ALKBH6: variants seen among roughly 807,000 people sequenced by gnomAD.
ALKBH6 encodes the protein probable RNA/DNA demethylase ALKBH6.
ALKBH6 carries 20 observed loss-of-function variants against 25.1 expected under a neutral mutation model. That is an observed-to-expected ratio of 0.80 (90% CI 0.56 to 1.16). The LOEUF (loss-of-function observed/expected upper bound fraction) is 1.16. ALKBH6 is among the 50% of genes most tolerant of loss of function. The probability of loss-of-function intolerance (pLI) is 0.00; values close to 1 mark genes in which losing one functional copy is unlikely to be tolerated. For synonymous variants in ALKBH6, 156 were observed against 147.5 expected, an observed-to-expected ratio of 1.06 and a Z score of -0.42; for missense variants, 263 against 326.5, an observed-to-expected ratio of 0.81 and a Z score of 1.50.
Position 36,011,414 on chromosome 19 carries a change from T to C in ALKBH6, c.174A>G (p.Leu58=), listed in dbSNP as rs1968609150. Residue 58 remains leucine (L), a synonymous_variant, in exon 4 of 7, where the codon TTA becomes TTG. Coordinates refer to ENST00000378875, the MANE Select transcript of ALKBH6 (RefSeq NM_032878.5). ...PKWTQLSGRK[L]QNWGGLPHPR... ...GCCAGGGATACTTACCCCAGTTCTGTAACTTTCTCCCAGAGAGCTGGGTCC... is the reference window on the plus strand; with the variant it reads ...GCCAGGGATACTTACCCCAGTTCTGCAACTTTCTCCCAGAGAGCTGGGTCC... 1 of 1,613,204 alleles carries C rather than the reference T, an allele frequency of 6.2e-7. No homozygotes were observed. The highest frequency in any genetic ancestry group is 1.7e-5 in the Admixed American group (1 of 60,000).
Position 36,013,483 on chromosome 19 carries a change from G to C in ALKBH6, c.-25-61C>G. On this transcript the variant is annotated intron_variant, in intron 1 of 6. Coordinates refer to ENST00000378875, the MANE Select transcript of ALKBH6 (RefSeq NM_032878.5). The surrounding 1 kb of genome is among the most constrained non-coding windows in gnomAD (Gnocchi z 4.6). The stretch of plus-strand genomic sequence containing the variant: ...CCTCCCGCCCTAACACCATGATGCA[G>C]CATTCCACCCCATCACAGGCCAGGC... 6.2e-7 allele frequency: 1 copy of C among 1,603,292 alleles called. No homozygotes were observed. The highest frequency in any genetic ancestry group is 1.1e-5 in the South Asian group (1 of 89,880).
At chr19:36,011,529 C>A in intron 3 of ALKBH6, 65 bp from the exon 4 acceptor site, 1 of 1,560,746 alleles carries the variant, frequency 6.4e-7, no homozygotes, top group South Asian at 1.1e-5. Flanking sequence ...CCCACCTAGA[C>A]CAACATAGGG....
In ALKBH6 at chr19:36,013,420, A is replaced by G. The variant is rs773308264; in HGVS notation, c.-23T>C. On this transcript the variant is annotated splice_region_variant and 5_prime_UTR_variant, in exon 2 of 7. Coordinates refer to ENST00000378875, the MANE Select transcript of ALKBH6 (RefSeq NM_032878.5). The surrounding 1 kb of genome is among the most constrained non-coding windows in gnomAD (Gnocchi z 4.6). ...CATCAACACCAACTCCTTGCACCCA[A>G]TCCTGTAGGGAGGGGAGGACATACT... 1.2e-6 allele frequency: 2 copies of G among 1,613,666 alleles called. No individual in the cohort carries two copies. Among genetic ancestry groups the G allele is most frequent in the Non-Finnish European group, 1.7e-6 (2 of 1,179,830 alleles).
chr19:36,009,474 G>T lies in ALKBH6; in HGVS notation c.533C>A (p.Thr178Lys), dbSNP rs1473575589. The change falls in exon 7 of 7, where the codon ACG (threonine) becomes AAG (lysine). Residue 178 changes from threonine (T) to lysine (K), a missense_variant. By Grantham distance (78) the Thr-to-Lys change is moderately conservative. Around this residue, in one of 3 missense-constraint regions of ALKBH6, gnomAD observed 148 missense variants for 157.5 expected, o/e 0.94. Transcript: ENST00000378875. ...GGCGGCGATGCCGTGGAGAAGACGCGTGTAGGCGGGGCCGCGGAGCACCAG... is the reference window on the plus strand; with the variant it reads ...GGCGGCGATGCCGTGGAGAAGACGCTTGTAGGCGGGGCCGCGGAGCACCAG... Reference protein sequence around the residue: ...SLLVLRGPAYTRLLHGIAAAR... With the variant: ...SLLVLRGPAYKRLLHGIAAAR... 8.0e-6 allele frequency: 10 copies of T among 1,249,050 alleles called. No individual in the cohort carries two copies. In the South Asian group the frequency reaches 3.4e-4, roughly 42 times the overall value. The allele number at this position is 1,249,050 out of a possible 1,614,324, so 77.4% of individuals were successfully genotyped here.
At chr19:36,011,568 A>G in intron 3 of ALKBH6, 104 bp from the exon 4 acceptor site, 1 of 1,276,886 alleles carries the variant, frequency 7.8e-7, no homozygotes, top group African/African-American at 1.5e-5. Flanking sequence ...GAAATGGGTC[A>G]TCTGTGTCTG....
chr19:36,011,191 C>T (rs1968603429), intron 4 of ALKBH6, 146 bp from the exon 5 acceptor site: 1 of 1,219,638 alleles, frequency 8.2e-7, no homozygotes, highest in East Asian at 2.6e-5. Flanking sequence ...GGTTTCCTCA[C>T]TTCTCCAGAC....
chr19:36,011,400 T>C lies in ALKBH6; in HGVS notation c.184+4A>G. 1.2e-6 allele frequency: 2 copies of C among 1,612,744 alleles called. No homozygotes were observed. The highest frequency in any genetic ancestry group is 1.7e-6 in the Non-Finnish European group (2 of 1,179,868). ...CACTCCTGCCCCCAGCCAGGGATAC[T>C]TACCCCAGTTCTGTAACTTTCTCCC... On this transcript the variant is annotated splice_donor_region_variant and intron_variant, in intron 4 of 6. Transcript: ENST00000378875.
intron 4 of ALKBH6, 71 bp from the exon 5 acceptor site, chr19:36,011,116 C>T: frequency 1.3e-6 from 2 of 1,535,512 alleles, no homozygotes; most frequent in Non-Finnish European, 1.8e-6. Flanking sequence ...TCCACAGTGG[C>T]TGGAAGCACC....
At position 36,013,163 on chromosome 19, in the gene ALKBH6, T is replaced by C; in HGVS notation, c.55-74A>G. Reference sequence around the variant, plus strand: ...GGACATATCATCACAGAGCAACCCCTATGCCTGGAGACAGGCTCAGGATGT... The same window carrying C: ...GGACATATCATCACAGAGCAACCCCCATGCCTGGAGACAGGCTCAGGATGT... On this transcript the variant is annotated intron_variant, in intron 2 of 6. Transcript: ENST00000378875. This position sits in a 1 kb window ranked among gnomAD's most constrained non-coding sequence, Gnocchi z 4.6. The C allele has an allele frequency of 2.0e-6, 3 of 1,505,600 alleles. No homozygotes were observed. Among genetic ancestry groups the C allele is most frequent in the Non-Finnish European group, 9.2e-7 (1 of 1,083,148 alleles). 93.3% of individuals were successfully genotyped at this position (1,505,600 alleles called of 1,614,324 possible).
Position 36,013,232 on chromosome 19 carries a change from C to T in ALKBH6, c.54+112G>A. The stretch of plus-strand genomic sequence containing the variant: ...CTAAAGTCAAGGGACCAGTGCCATT[C>T]CAGAATGGACTCTGACAGTAAGAAT... On this transcript the variant is annotated intron_variant, in intron 2 of 6. Transcript: ENST00000378875. This position sits in a 1 kb window ranked among gnomAD's most constrained non-coding sequence, Gnocchi z 4.6. 2.0e-6 allele frequency: 3 copies of T among 1,493,556 alleles called. No homozygotes were observed. The East Asian group carries it at 6.8e-5, about 34-fold the overall frequency. 92.5% of individuals were successfully genotyped at this position (1,493,556 alleles called of 1,614,324 possible). A position where few individuals can be genotyped will look rare whatever the true frequency, so the allele number is the denominator to read the frequency against.
At position 36,014,156 on chromosome 19, in the gene ALKBH6, AG is replaced by A. The variant is rs776559290; in HGVS notation, c.-26+18del. On this transcript the variant is annotated intron_variant, in intron 1 of 6. Coordinates refer to ENST00000378875, the MANE Select transcript of ALKBH6 (RefSeq NM_032878.5). ...CCTATTGACATCCATCTCTACCCCC[AG>A]CACTCCCCAAAACTGACCGTCCACC... The A allele has an allele frequency of 5.0e-6, 8 of 1,609,908 alleles. No homozygotes were observed. Among genetic ancestry groups the A allele is most frequent in the Non-Finnish European group, 5.9e-6 (7 of 1,178,384 alleles).
intron 3 of ALKBH6, 149 bp from the exon 4 acceptor site, chr19:36,011,613 T>C: frequency 2.4e-6 from 2 of 844,078 alleles, no homozygotes; most frequent in Non-Finnish European, 3.6e-6. Flanking sequence ...GTTCCTAGGA[T>C]TTTGTGGTTT....
Position 36,009,425 on chromosome 19 carries a change from G to A in ALKBH6, c.582C>T (p.Ala194=), listed in dbSNP as rs1968516056. ...CTGCCGCATTGGGCGGCGAGGAGGC[G>A]GCGTCCAGCGCGTCTACGCGGGCGG... is the stretch of plus-strand genomic sequence containing the variant. ...IAAARVDALD[A]ASSPPNAAAC... The change falls in exon 7 of 7, where the codon GCC becomes GCT. Residue 194 remains alanine, a synonymous_variant. Coordinates refer to ENST00000378875, the MANE Select transcript of ALKBH6 (RefSeq NM_032878.5). 2.4e-6 allele frequency: 3 copies of A among 1,245,514 alleles called. No homozygotes were observed. Among genetic ancestry groups the A allele is most frequent in the Non-Finnish European group, 2.0e-6 (2 of 996,524 alleles). 77.2% of individuals were successfully genotyped at this position (1,245,514 alleles called of 1,614,324 possible).
chr19:36,013,354 C>A lies in ALKBH6; in HGVS notation c.44G>T (p.Arg15Ile), dbSNP rs144852959. The A allele has an allele frequency of 3.2e-5, 51 of 1,613,918 alleles. No homozygotes were observed. The African/African-American group carries it at 6.5e-4, about 21-fold the overall frequency. Reference protein sequence around the residue: ...DARVPALEPFRVEQAPPVIYY... With the variant: ...DARVPALEPFIVEQAPPVIYY... ...CTGAGTTCTGACAACCTGCTCCACT[C>A]TGAACGGTTCCAGGGCTGGGACTCT... Residue 15 changes from arginine to isoleucine, a missense_variant, in exon 2 of 7, where the codon AGA becomes ATA. By Grantham distance (97) the Arg-to-Ile change is moderately conservative. Around this residue, in one of 3 missense-constraint regions of ALKBH6, gnomAD observed 112 missense variants for 153.0 expected, o/e 0.73. Transcript: ENST00000378875. This position sits in a 1 kb window ranked among gnomAD's most constrained non-coding sequence, Gnocchi z 4.6.
At position 36,011,313 on chromosome 19, in the gene ALKBH6, G is replaced by T. The variant is rs530584454; in HGVS notation, c.184+91C>A. On this transcript the variant is annotated intron_variant, in intron 4 of 6. Coordinates refer to ENST00000378875, the MANE Select transcript of ALKBH6 (RefSeq NM_032878.5). ...TCTTGGGGCCCCTTGAGCTGTCAGG[G>T]ACCCTCTGATGTCTTAAGTCTATTG... The T allele has an allele frequency of 3.9e-5, 59 of 1,495,222 alleles. No homozygotes were observed. In the Middle Eastern group the frequency reaches 9.5e-4, roughly 24 times the overall value. 92.6% of individuals were successfully genotyped at this position (1,495,222 alleles called of 1,614,324 possible).
Position 36,010,673 on chromosome 19 carries a change from T to C in ALKBH6, c.347A>G (p.Asp116Gly), listed in dbSNP as rs1968579689. The C allele has an allele frequency of 6.2e-7, 1 of 1,613,628 alleles. No individual in the cohort carries two copies. Among genetic ancestry groups the C allele is most frequent in the Admixed American group, 1.7e-5 (1 of 59,960 alleles). The change falls in exon 6 of 7, where the codon GAC becomes GGC. Residue 116 changes from aspartate to glycine, a missense_variant. Coordinates refer to ENST00000378875, the MANE Select transcript of ALKBH6 (RefSeq NM_032878.5). This position sits in a 1 kb window ranked among gnomAD's most constrained non-coding sequence, Gnocchi z 5.5. ...GACAGTCGGGTAGTACAGTGGTCCG[T>C]CCTCGTGGGGCTAGGGAGTGGGCAC... ...LPGEGIMPHE[D>G]GPLYYPTVST...
intron 6 of ALKBH6, 92 bp from the exon 7 acceptor site, chr19:36,009,645 CA>C: frequency 1.0e-6 from 1 of 958,430 alleles, no homozygotes; most frequent in Non-Finnish European, 1.4e-6. Context: ...AGCTAGTCCC[CA>C]GGGGCAAAAG....
Position 36,009,392 on chromosome 19 carries a change from C to A in ALKBH6, c.615G>T (p.Pro205=), listed in dbSNP as rs773217671. 2.4e-6 allele frequency: 3 copies of A among 1,253,422 alleles called. No individual in the cohort carries two copies. Among genetic ancestry groups the A allele is most frequent in the Non-Finnish European group, 3.0e-6 (3 of 1,000,368 alleles). 77.6% of individuals were successfully genotyped at this position (1,253,422 alleles called of 1,614,324 possible). A position where few individuals can be genotyped will look rare whatever the true frequency, so the allele number is the denominator to read the frequency against. The part of the protein sequence containing the change: ...ASSPPNAAAC[P]SARPGACLVR... ...CCAGGCAGGCTCCCGGCCGCGCCGA[C>A]GGGCAGGCTGCCGCATTGGGCGGCG... is the stretch of plus-strand genomic sequence containing the variant. The change falls in exon 7 of 7, where the codon CCG becomes CCT. Residue 205 remains proline, a synonymous_variant. Coordinates refer to ENST00000378875, the MANE Select transcript of ALKBH6 (RefSeq NM_032878.5).
Position 36,013,228 on chromosome 19 carries a change from C to G in ALKBH6, c.54+116G>C. Reference sequence around the variant, plus strand: ...GGGTCTAAAGTCAAGGGACCAGTGCCATTCCAGAATGGACTCTGACAGTAA... The same window carrying G: ...GGGTCTAAAGTCAAGGGACCAGTGCGATTCCAGAATGGACTCTGACAGTAA... On this transcript the variant is annotated intron_variant, in intron 2 of 6. Transcript: ENST00000378875. This position sits in a 1 kb window ranked among gnomAD's most constrained non-coding sequence, Gnocchi z 4.6. The G allele has an allele frequency of 1.4e-6, 2 of 1,477,258 alleles. No homozygotes were observed. 91.5% of individuals were successfully genotyped at this position (1,477,258 alleles called of 1,614,324 possible). A position where few individuals can be genotyped will look rare whatever the true frequency, so the allele number is the denominator to read the frequency against.
Sources: gnomAD v4.1 joint callset for allele counts on GRCh38, gnomAD v4.1.1 for gene constraint, gnomAD v4.1.1 regional missense constraint, Gnocchi (gnomAD v3.1) non-coding constraint, MANE v1.5 for transcripts, NCBI Gene and HGNC (gene_info 2026-07-23, HGNC 2026-07-21) for gene names.